The following ANKRD11 variants were observed in gnomAD, a reference collection of about 807,000 sequenced individuals.
The protein encoded by ANKRD11 is ankyrin repeat domain-containing protein 11.
Under a neutral mutation model 195.7 loss-of-function variants are expected in ANKRD11, and 17 were observed. That is an observed-to-expected ratio of 0.09 (90% confidence interval 0.06 to 0.13). The LOEUF is 0.13. Ranked by LOEUF, ANKRD11 falls within the 10% of genes least tolerant of loss-of-function variation. ANKRD11 has a pLI of 1.00. For synonymous variants in ANKRD11, 1,953 were observed against 1,528.1 expected, an observed-to-expected ratio of 1.28 and a Z score of -6.49; for missense variants, 3,735 against 3,566.1, an observed-to-expected ratio of 1.05 and a Z score of -1.21.
rs547412020 is a variant in ANKRD11, at chr16:89,304,754, A to C, written c.226+452T>G. 3.5e-4 allele frequency among the ~76,000 whole-genome samples: 53 copies of C among 152,314 alleles called. 1 individual carries two copies. Among genetic ancestry groups the C allele is most frequent in the African/African-American group, 1.1e-3 (47 of 41,576 alleles). On this transcript the variant is annotated intron_variant, in intron 4 of 12. Coordinates refer to ENST00000301030, the MANE Select transcript of ANKRD11 (RefSeq NM_013275.6). ...ACACACATTCCTGCTCTGCAGCCTCAGACCCCGCCTGTGCTTGGGAAGACC... is the reference window on the plus strand; with the variant it reads ...ACACACATTCCTGCTCTGCAGCCTCCGACCCCGCCTGTGCTTGGGAAGACC...
rs1398194986 is a variant in ANKRD11 at position 89,464,587 on chromosome 16, G to A, written c.-145+25658C>T. On this transcript the variant is annotated intron_variant, in intron 1 of 12. Coordinates refer to ENST00000301030, the MANE Select transcript of ANKRD11 (RefSeq NM_013275.6). ...CGCAACACTGCACTCCAGCCTGGGC[G>A]ACAGAGTGAGACTCCATCTTAAAAA... Among the ~76,000 whole-genome samples, 5 of 136,260 alleles carry A rather than the reference G, an allele frequency of 3.7e-5. No individual in the cohort carries two copies. In the Middle Eastern group the frequency reaches 0.015, roughly 413 times the overall value. The allele number at this position is 136,260 out of a possible 152,430, so 89.4% of individuals were successfully genotyped here. A position where few individuals can be genotyped will look rare whatever the true frequency, so the allele number is the denominator to read the frequency against.
At chr16:89,289,415 T>TG (rs928128708) in intron 6 of ANKRD11, among the ~76,000 whole-genome samples, 1 of 152,240 alleles carries the variant, frequency 6.6e-6, no homozygotes, top group Non-Finnish European at 1.5e-5. Flanking sequence ...CAGACAGTCC[T>TG]GGGATATGTG....
intron 1 of ANKRD11, among the ~76,000 whole-genome samples, chr16:89,424,654 C>T (rs550654399): frequency 9.9e-5 from 15 of 152,188 alleles, no homozygotes; most frequent in African/African-American, 3.4e-4. Flanking sequence ...ATTTCTACGA[C>T]TCCATTTATA....
chr16:89,364,909 C>A (rs1365363197), intron 2 of ANKRD11, among the ~76,000 whole-genome samples: 1 of 152,226 alleles, frequency 6.6e-6, no homozygotes, highest in East Asian at 1.9e-4. Flanking sequence ...TCATCGAATG[C>A]TGAATACCTG....
chr16:89,395,696 C>T (rs565769909), intron 2 of ANKRD11: 1 of 152,288 alleles, frequency 6.6e-6, no homozygotes, highest in South Asian at 2.1e-4. Flanking sequence ...CACAGACTGA[C>T]CTGATTCATT....
At chr16:89,484,002 C>T (rs2057526858) in intron 1 of ANKRD11, among the ~76,000 whole-genome samples, 1 of 151,984 alleles carries the variant, frequency 6.6e-6, no homozygotes, top group Admixed American at 6.6e-5. Context: ...CTAAAAATTC[C>T]TTGAAATCCG....
At chr16:89,389,129 C>G (rs1164358009) in intron 2 of ANKRD11, among the ~76,000 whole-genome samples, 1 of 152,100 alleles carries the variant, frequency 6.6e-6, no homozygotes, top group African/African-American at 2.4e-5. Context: ...GGCAATCCTC[C>G]CACCTCAGCC....
intron 1 of ANKRD11, among the ~76,000 whole-genome samples, chr16:89,483,154 T>C (rs8043788): frequency 0.43 from 64,714 of 151,966 alleles, 14,262 homozygotes; most frequent in East Asian, 0.69. Context: ...CTCATCCCCC[T>C]GAACCAATAT....
chr16:89,287,410 C>T, intron 7 of ANKRD11: 1 of 236,882 alleles, frequency 4.2e-6, no homozygotes, highest in South Asian at 5.3e-5. Flanking sequence ...CATTATCCTG[C>T]CTACCTCACC....
intron 12 of ANKRD11, chr16:89,270,309 C>G (rs2033025775): frequency 8.6e-6 from 2 of 233,286 alleles, no homozygotes; most frequent in African/African-American, 2.4e-5. Context: ...GGTGACTGTA[C>G]AGGGTGACGC....
At chr16:89,313,302 T>C in intron 3 of ANKRD11, 1 of 1,286,738 alleles carries the variant, frequency 7.8e-7, no homozygotes, top group Non-Finnish European at 1.0e-6. Flanking sequence ...CACTGTTCTC[T>C]GTAGCCCTGC....
intron 1 of ANKRD11, among the ~76,000 whole-genome samples, chr16:89,424,935 C>T (rs540269830): frequency 4.6e-5 from 7 of 152,262 alleles, no homozygotes; most frequent in Admixed American, 2.0e-4. Context: ...GACCGGTCAG[C>T]GATACCGTGT....
intron 2 of ANKRD11, among the ~76,000 whole-genome samples, chr16:89,371,760 T>G (rs1343424947): frequency 6.6e-6 from 1 of 152,114 alleles, no homozygotes; most frequent in Non-Finnish European, 1.5e-5. Context: ...CCCCTCAGGA[T>G]GACGGAGAGG....
Position 89,279,019 on chromosome 16 carries a change from C to A in ANKRD11, c.7470+53G>T. 1 of 1,606,814 alleles carries A rather than the reference C, an allele frequency of 6.2e-7. No individual in the cohort carries two copies. The highest frequency in any genetic ancestry group is 8.5e-7 in the Non-Finnish European group (1 of 1,177,026). ...CTGGAGGAAGCCGTGACTAGGGGCC[C>A]CAGACGCATCCCAGAGAGAGAAGGC... On this transcript the variant is annotated intron_variant, in intron 9 of 12. Transcript: ENST00000301030. The surrounding 1 kb of genome is among the most constrained non-coding windows in gnomAD (Gnocchi z 5.6).
chr16:89,290,589 G>A, intron 6 of ANKRD11, 36 bp downstream of exon 6: 2 of 1,606,814 alleles, frequency 1.2e-6, no homozygotes, highest in Non-Finnish European at 1.7e-6. Flanking sequence ...GGCTCCAGTG[G>A]GGCTCTCTGG....
intron 2 of ANKRD11, among the ~76,000 whole-genome samples, chr16:89,384,531 G>A (rs1296583643): frequency 7.7e-6 from 1 of 130,550 alleles, no homozygotes; most frequent in African/African-American, 2.9e-5. Context: ...AACAGGATGG[G>A]ATGGGACTGG....
At chr16:89,305,478 G>T (rs1161124241) in intron 3 of ANKRD11, 134 bp from the exon 4 acceptor site, 4 of 1,262,332 alleles carry the variant, frequency 3.2e-6, no homozygotes, top group Non-Finnish European at 4.4e-6. Flanking sequence ...CCCAGGGCGT[G>T]GCTGTGTGAG....
At position 89,285,245 on chromosome 16, in the gene ANKRD11, T is replaced by C; in HGVS notation, c.1297A>G (p.Ile433Val). Residue 433 changes from isoleucine to valine, a missense_variant, in exon 9 of 13, where the codon ATA becomes GTA. By Grantham distance (29) the Ile-to-Val change is conservative. Coordinates refer to ENST00000301030, the MANE Select transcript of ANKRD11 (RefSeq NM_013275.6). The surrounding 1 kb of genome is among the most constrained non-coding windows in gnomAD (Gnocchi z 5.6). The part of the protein sequence containing the change: ...GEKLRLSAHT[I>V]LPGSKTREPS... ...TCTCGTGTCTTACTACCAGGCAATA[T>C]CGTATGTGCCGAGAGTCTCAGCTTC... The C allele has an allele frequency of 6.2e-7, 1 of 1,613,830 alleles. No homozygotes were observed. The highest frequency in any genetic ancestry group is 1.1e-5 in the South Asian group (1 of 91,076).
intron 4 of ANKRD11, chr16:89,300,382 G>A (rs1385253623): frequency 1.5e-5 from 3 of 197,874 alleles, no homozygotes; most frequent in East Asian, 1.8e-4. Flanking sequence ...CTGGTCCACG[G>A]CACACTGCAG....
Sources: gnomAD v4.1 joint callset for allele counts (sites outside exome capture counted in the v4.1 genomes callset) on GRCh38, gnomAD v4.1.1 for gene constraint, Gnocchi (gnomAD v3.1) non-coding constraint, MANE v1.5 for transcripts, NCBI Gene and HGNC (gene_info 2026-07-23, HGNC 2026-07-21) for gene names.